MAST2: variants seen among roughly 807,000 people sequenced by gnomAD.
The protein encoded by MAST2 is microtubule-associated serine/threonine-protein kinase 2.
Under a neutral mutation model 147.4 loss-of-function variants are expected in MAST2, and 70 were observed. That is an observed-to-expected ratio of 0.47 (90% confidence interval 0.39 to 0.58). The LOEUF (loss-of-function observed/expected upper bound fraction) is 0.58, where lower values mean the gene tolerates loss of function less well. Among genes scored for constraint, MAST2 ranks in the 20% least tolerant of loss-of-function variants. MAST2 has a pLI of 0.00. For missense variants in MAST2, 2,080 were observed against 2,302.3 expected, an observed-to-expected ratio of 0.90 and a Z score of 1.98; for synonymous variants, 869 against 896.8, an observed-to-expected ratio of 0.97 and a Z score of 0.55.
intron 5 of MAST2, among the ~76,000 whole-genome samples, chr1:45,963,132 T>C (rs1163926305): frequency 6.6e-6 from 1 of 152,240 alleles, no homozygotes; most frequent in African/African-American, 2.4e-5. Flanking sequence ...TATCTCTGTT[T>C]TGGTACCAGT....
intron 5 of MAST2, among the ~76,000 whole-genome samples, chr1:45,971,641 A>G (rs533988361): frequency 6.6e-6 from 1 of 152,354 alleles, no homozygotes; most frequent in African/African-American, 2.4e-5. Context: ...AGGATAGATG[A>G]TGCTTAAAGG....
intron 3 of MAST2, among the ~76,000 whole-genome samples, chr1:45,870,789 C>T (rs1297729116): frequency 2.0e-5 from 3 of 151,482 alleles, no homozygotes; most frequent in South Asian, 2.1e-4. Context: ...AGTAGCCAGG[C>T]GTGGCGGTGC....
At chr1:45,809,328 A>C (rs1338738324) in intron 1 of MAST2, among the ~76,000 whole-genome samples, 1 of 152,204 alleles carries the variant, frequency 6.6e-6, no homozygotes, top group African/African-American at 2.4e-5. Flanking sequence ...TCAGTTTTCC[A>C]GGCCTAACTC....
chr1:46,034,229 T>C lies in MAST2; in HGVS notation c.3831T>C (p.Thr1277=), dbSNP rs1305279647. The C allele has an allele frequency of 6.2e-7, 1 of 1,613,894 alleles. No individual in the cohort carries two copies. The highest frequency in any genetic ancestry group is 2.2e-5 in the East Asian group (1 of 44,868). Residue 1277 remains threonine, a synonymous_variant, in exon 28 of 29, where the codon ACT becomes ACC. Transcript: ENST00000361297. ...ACAGCCTTTCCCCCCGATCTCCCAC[T>C]CAAGGCTACCGGGTGACCCCCGATG... ...HSHSLSPRSP[T]QGYRVTPDAV...
Position 45,803,841 on chromosome 1 carries a change from C to T in MAST2, c.-55C>T, listed in dbSNP as rs1156753868. On this transcript the variant is annotated 5_prime_UTR_variant, in exon 1 of 29. Coordinates refer to ENST00000361297, the MANE Select transcript of MAST2 (RefSeq NM_015112.3). ...GGCGCGGCTGCGCTGCGGCCCGGGG[C>T]AGTGCGGAGCCGGGACAGTCGCGGC... is the stretch of plus-strand genomic sequence containing the variant. 2 of 459,708 alleles carry T rather than the reference C, an allele frequency of 4.4e-6. No homozygotes were observed. The highest frequency in any genetic ancestry group is 8.2e-5 in the South Asian group (1 of 12,136). The allele number at this position is 459,708 out of a possible 1,614,324, so 28.5% of individuals were successfully genotyped here. A position where few individuals can be genotyped will look rare whatever the true frequency, so the allele number is the denominator to read the frequency against.
chr1:45,903,751 G>A (rs1246273741), intron 4 of MAST2, among the ~76,000 whole-genome samples: 2 of 152,172 alleles, frequency 1.3e-5, no homozygotes, highest in Non-Finnish European at 2.9e-5. Context: ...GTGTGCACAT[G>A]AGAATGAGTT....
At chr1:45,924,895 A>G (rs1434300066) in intron 4 of MAST2, among the ~76,000 whole-genome samples, 1 of 152,214 alleles carries the variant, frequency 6.6e-6, no homozygotes, top group African/African-American at 2.4e-5. Flanking sequence ...TTAGAATCCA[A>G]GGAATGAGGT....
chr1:46,021,868 C>T lies in MAST2; in HGVS notation c.1291-82C>T, dbSNP rs1646197228. On this transcript the variant is annotated intron_variant, in intron 11 of 28. Transcript: ENST00000361297. ...CAGAGAAAGTCTTGTTCATCTCAGT[C>T]TACTATATGCTGTAAAACCAAAGAT... 3 of 1,353,642 alleles carry T rather than the reference C, an allele frequency of 2.2e-6. No individual in the cohort carries two copies. In the East Asian group the frequency reaches 7.0e-5, roughly 31 times the overall value. 83.9% of individuals were successfully genotyped at this position (1,353,642 alleles called of 1,614,324 possible).
At chr1:45,917,649 CAG>C in intron 4 of MAST2, 1 of 702,106 alleles carries the variant, frequency 1.4e-6, no homozygotes, top group Non-Finnish European at 2.1e-6. Flanking sequence ...GGTTCTGTCA[CAG>C]AGAAGAGTAA....
intron 3 of MAST2, among the ~76,000 whole-genome samples, chr1:45,875,191 A>G (rs1646551582): frequency 1.3e-5 from 2 of 152,214 alleles, no homozygotes; most frequent in Non-Finnish European, 2.9e-5. Flanking sequence ...CACGCCTGTA[A>G]TCCCAGCACT....
intron 4 of MAST2, chr1:45,913,888 G>T: frequency 8.1e-7 from 1 of 1,235,742 alleles, no homozygotes; most frequent in South Asian, 1.4e-5. Flanking sequence ...CAGTAAGGAG[G>T]TTGGGGTCTC....
intron 4 of MAST2, among the ~76,000 whole-genome samples, chr1:45,898,177 G>T (rs1048555540): frequency 6.6e-6 from 1 of 152,024 alleles, no homozygotes; most frequent in Non-Finnish European, 1.5e-5. Flanking sequence ...ATACAAGTGC[G>T]CTCCTCCCCT....
At chr1:45,950,850 G>A (rs1167672338) in intron 4 of MAST2, among the ~76,000 whole-genome samples, 1 of 152,174 alleles carries the variant, frequency 6.6e-6, no homozygotes, top group African/African-American at 2.4e-5. Flanking sequence ...GGATGGCTGA[G>A]GCGAGTGGAC....
chr1:45,865,095 T>G (rs1268591923), intron 3 of MAST2: 1 of 456,322 alleles, frequency 2.2e-6, no homozygotes, highest in Non-Finnish European at 4.4e-6. Context: ...TTGTCTGATA[T>G]CTATTATGGA....
chr1:45,958,727 C>T (rs906739278), intron 4 of MAST2, among the ~76,000 whole-genome samples: 1 of 152,164 alleles, frequency 6.6e-6, no homozygotes, highest in Non-Finnish European at 1.5e-5. Context: ...AAATGGCAAA[C>T]TTCCCTAATG....
chr1:45,910,545 A>G (rs1651511035), intron 4 of MAST2, among the ~76,000 whole-genome samples: 1 of 152,222 alleles, frequency 6.6e-6, no homozygotes, highest in African/African-American at 2.4e-5. Context: ...TAGTAATGTG[A>G]ATTCCTTAAT....
intron 4 of MAST2, among the ~76,000 whole-genome samples, chr1:45,901,590 C>T (rs987170234): frequency 7.2e-5 from 11 of 152,084 alleles, no homozygotes; most frequent in Admixed American, 1.3e-4. Flanking sequence ...GTCATTTTCA[C>T]GATATTGATT....
At chr1:45,807,209 A>C (rs1201536404) in intron 1 of MAST2, among the ~76,000 whole-genome samples, 3 of 152,014 alleles carry the variant, frequency 2.0e-5, no homozygotes, top group Non-Finnish European at 4.4e-5. Context: ...TAATATTATA[A>C]TATCCATTCT....
chr1:45,949,566 T>A (rs1344260406), intron 4 of MAST2, among the ~76,000 whole-genome samples: 2 of 152,018 alleles, frequency 1.3e-5, no homozygotes, highest in African/African-American at 4.8e-5. Flanking sequence ...AGTAAAAAAA[T>A]AACAGATGCT....
Sources: allele counts gnomAD v4.1 joint callset (sites outside exome capture counted in the v4.1 genomes callset), GRCh38; gene constraint gnomAD v4.1.1; transcripts MANE v1.5; gene names NCBI Gene and HGNC (gene_info 2026-07-23, HGNC 2026-07-21).